CCDC150: variants seen among roughly 807,000 people sequenced by gnomAD.
CCDC150 encodes the protein coiled-coil domain-containing protein 150.
A neutral mutation model predicts 156.5 loss-of-function variants in CCDC150; 151 were observed. The ratio of observed to expected loss-of-function variants is 0.97; its 90% CI spans 0.85 to 1.10. The LOEUF is 1.10. Among genes scored for constraint, CCDC150 ranks in the 50% least tolerant of loss-of-function variants. The pLI, the probability that CCDC150 is intolerant of heterozygous loss-of-function variation, is 0.00. For missense variants in CCDC150, 1,312 were observed against 1,268.1 expected (o/e 1.03, Z -0.53); for synonymous variants, 452 against 429.4 (o/e 1.05, Z -0.65).
intron 13 of CCDC150, among the ~76,000 whole-genome samples, chr2:196,684,026 C>T (rs932151895): frequency 6.6e-6 from 1 of 151,628 alleles, no homozygotes; most frequent in Non-Finnish European, 1.5e-5. Flanking sequence ...TTTATGTTTG[C>T]TTGGGGTTTA....
At chr2:196,696,631 G>A (rs1695847670) in intron 14 of CCDC150, among the ~76,000 whole-genome samples, 1 of 152,200 alleles carries the variant, frequency 6.6e-6, no homozygotes, top group African/African-American at 2.4e-5. Context: ...ATTCTAGCTT[G>A]CAGCTCTGTC....
intron 5 of CCDC150, among the ~76,000 whole-genome samples, chr2:196,662,565 G>A (rs998704631): frequency 2.0e-5 from 3 of 152,188 alleles, no homozygotes; most frequent in African/African-American, 7.2e-5. Context: ...CGGAGCCCAG[G>A]TGGTAGAGCT....
At position 196,729,272 on chromosome 2, in the gene CCDC150, C is replaced by A. The variant is rs767812568; in HGVS notation, c.2636C>A (p.Ala879Glu). ...AACCGAGAGCTGCGACAGAAACTTG[C>A]AGAGCTAGAAAAAATACTAGAAAGT... is the stretch of plus-strand genomic sequence containing the variant. ...RTNRELRQKL[A>E]ELEKILESNK... is the part of the protein sequence containing the mutation. The change falls in exon 23 of 28, where the codon GCA becomes GAA. Residue 879 changes from alanine (A) to glutamate (E), a missense_variant. By Grantham distance (107) the Ala-to-Glu change is moderately radical. Coordinates refer to ENST00000389175, the MANE Select transcript of CCDC150 (RefSeq NM_001080539.2). 8 of 1,613,208 alleles carry A rather than the reference C, an allele frequency of 5.0e-6. No individual in the cohort carries two copies. The South Asian group carries it at 7.7e-5, about 16-fold the overall frequency.
intron 18 of CCDC150, 97 bp from the exon 19 acceptor site, chr2:196,719,400 C>A: frequency 2.1e-6 from 2 of 956,928 alleles, no homozygotes; most frequent in Non-Finnish European, 1.5e-6. Context: ...GTCTGCTTGT[C>A]TGCTTTCCAT....
chr2:196,657,452 G>T, intron 4 of CCDC150: 1 of 230,288 alleles, frequency 4.3e-6, no homozygotes, highest in East Asian at 1.0e-4. Flanking sequence ...GCTACAGCAT[G>T]AGAAATTAAA....
chr2:196,678,020 G>C (rs2125619810), intron 13 of CCDC150, among the ~76,000 whole-genome samples: 1 of 152,052 alleles, frequency 6.6e-6, no homozygotes, highest in East Asian at 1.9e-4. Flanking sequence ...AAAAACTAAG[G>C]CTGCCTAAGT....
Position 196,666,851 on chromosome 2 carries a change from A to G in CCDC150, c.892+3A>G. The G allele has an allele frequency of 1.9e-6, 3 of 1,613,416 alleles. No individual in the cohort carries two copies. The highest frequency in any genetic ancestry group is 2.2e-5 in the East Asian group (1 of 44,854). On this transcript the variant is annotated splice_donor_region_variant and intron_variant, in intron 7 of 27. Transcript: ENST00000389175. ...TTCACAGCTCAAATCTGATCTAAGTATGAAAATAGATGCTAGAAATCACCC... is the reference window on the plus strand; with the variant it reads ...TTCACAGCTCAAATCTGATCTAAGTGTGAAAATAGATGCTAGAAATCACCC...
At chr2:196,681,328 T>C (rs886717036) in intron 13 of CCDC150, among the ~76,000 whole-genome samples, 4 of 152,228 alleles carry the variant, frequency 2.6e-5, no homozygotes, top group African/African-American at 9.6e-5. Context: ...TATGTATGTA[T>C]GTGCACGCAC....
At position 196,646,284 on chromosome 2, in the gene CCDC150, GACTATTTTTGAACAAT is replaced by G. The variant is rs1692533180; in HGVS notation, c.13-55_13-40del. 8.0e-6 allele frequency: 12 copies of G among 1,495,850 alleles called. No homozygotes were observed. The African/African-American group carries it at 1.4e-4, about 17-fold the overall frequency. 92.7% of individuals were successfully genotyped at this position (1,495,850 alleles called of 1,614,324 possible). ...CTAATCCTGGCACAGGAATGGCAGT[GACTATTTTTGAACAAT>G]AATAGGACCTACCACACTAAGATTG... On this transcript the variant is annotated intron_variant, in intron 1 of 27. Transcript: ENST00000389175.
chr2:196,703,303 G>T (rs184914781), intron 15 of CCDC150, among the ~76,000 whole-genome samples: 10 of 152,136 alleles, frequency 6.6e-5, no homozygotes, highest in South Asian at 2.1e-4. Flanking sequence ...AAAGGTAGTC[G>T]ATAAGCCATG....
intron 17 of CCDC150, among the ~76,000 whole-genome samples, chr2:196,718,105 T>G (rs1697650097): frequency 6.6e-6 from 1 of 152,190 alleles, no homozygotes; most frequent in African/African-American, 2.4e-5. Flanking sequence ...TGTAACACTG[T>G]TTTCTTGAAT....
chr2:196,681,635 T>C (rs1299276454), intron 13 of CCDC150, among the ~76,000 whole-genome samples: 1 of 152,116 alleles, frequency 6.6e-6, no homozygotes, highest in African/African-American at 2.4e-5. Flanking sequence ...CAAACACTTA[T>C]TTTGTGTTTG....
At chr2:196,673,048 G>A (rs1283442250) in intron 9 of CCDC150, among the ~76,000 whole-genome samples, 1 of 152,114 alleles carries the variant, frequency 6.6e-6, no homozygotes, top group African/African-American at 2.4e-5. Flanking sequence ...GGATCATAGT[G>A]TTGCTGGGCT....
Position 196,665,551 on chromosome 2 carries a change from CAGTGTTG to C in CCDC150, c.646-15_646-9del, listed in dbSNP as rs374830934. The C allele has an allele frequency of 3.4e-6, 5 of 1,482,054 alleles. No individual in the cohort carries two copies. The African/African-American group carries it at 6.9e-5, about 21-fold the overall frequency. 91.8% of individuals were successfully genotyped at this position (1,482,054 alleles called of 1,614,324 possible). On this transcript the variant is annotated splice_polypyrimidine_tract_variant and intron_variant, in intron 5 of 27. Transcript: ENST00000389175. Reference sequence around the variant, plus strand: ...ATGATCAATTGGTCTTGCCTAACTGCAGTGTTGCTTTGTAGCTAAGGAGACAACTGGC... The same window carrying C: ...ATGATCAATTGGTCTTGCCTAACTGCCTTTGTAGCTAAGGAGACAACTGGC...
At chr2:196,661,706 A>T (rs1693567071) in intron 5 of CCDC150, among the ~76,000 whole-genome samples, 1 of 152,222 alleles carries the variant, frequency 6.6e-6, no homozygotes, top group Non-Finnish European at 1.5e-5. Flanking sequence ...CAAAATCTGG[A>T]TGTGATAAAC....
chr2:196,650,179 T>G (rs1692792247), intron 2 of CCDC150, among the ~76,000 whole-genome samples: 1 of 152,224 alleles, frequency 6.6e-6, no homozygotes, highest in African/African-American at 2.4e-5. Context: ...ATACCTGATT[T>G]GTTGAGAGTT....
Position 196,676,154 on chromosome 2 carries a change from A to C in CCDC150, c.1149A>C (p.Lys383Asn), listed in dbSNP as rs1204784099. The C allele has an allele frequency of 6.2e-7, 1 of 1,613,504 alleles. No homozygotes were observed. Among genetic ancestry groups the C allele is most frequent in the Non-Finnish European group, 8.5e-7 (1 of 1,179,630 alleles). The change falls in exon 11 of 28, where the codon AAA becomes AAC. Residue 383 changes from lysine to asparagine, a missense_variant. Coordinates refer to ENST00000389175, the MANE Select transcript of CCDC150 (RefSeq NM_001080539.2). The part of the protein sequence containing the change: ...DHQAILQVEQ[K>N]MMTQTFQEQN... ...CTTTTAACACTCAGGTAGAGCAGAA[A>C]ATGATGACGCAGACATTTCAAGAAC...
rs776271440 is a variant in CCDC150 at position 196,666,863 on chromosome 2, G to A, written c.892+15G>A. ...ATCTGATCTAAGTATGAAAATAGATGCTAGAAATCACCCTCTTGTTAGTTT... is the reference window on the plus strand; with the variant it reads ...ATCTGATCTAAGTATGAAAATAGATACTAGAAATCACCCTCTTGTTAGTTT... On this transcript the variant is annotated intron_variant, in intron 7 of 27. Coordinates refer to ENST00000389175, the MANE Select transcript of CCDC150 (RefSeq NM_001080539.2). 2 of 1,613,062 alleles carry A rather than the reference G, an allele frequency of 1.2e-6. No individual in the cohort carries two copies.
Position 196,701,087 on chromosome 2 carries a change from ATGCCTTTGTT to A in CCDC150, c.1624-15_1624-6del. The A allele has an allele frequency of 6.4e-7, 1 of 1,562,368 alleles. No homozygotes were observed. The highest frequency in any genetic ancestry group is 8.8e-7 in the Non-Finnish European group (1 of 1,141,928). ...TTCCTTTCTATGCCTAGAGGTTCTG[ATGCCTTTGTT>A]TGCCTTATCAGCTTGCCCAACAGAA... is the stretch of plus-strand genomic sequence containing the variant. On this transcript the variant is annotated splice_polypyrimidine_tract_variant and intron_variant, in intron 14 of 27. Transcript: ENST00000389175.
Sources: allele counts gnomAD v4.1 joint callset (sites outside exome capture counted in the v4.1 genomes callset), GRCh38; gene constraint gnomAD v4.1.1; transcripts MANE v1.5; gene names NCBI Gene and HGNC (gene_info 2026-07-23, HGNC 2026-07-21).